Variants in DCHS2 observed in about 807,000 individuals in gnomAD.
The protein encoded by DCHS2 is protocadherin-23.
A neutral mutation model predicts 182.4 loss-of-function variants in DCHS2; 142 were observed. That is an observed-to-expected ratio of 0.78 (90% CI 0.68 to 0.89). The LOEUF is 0.89. DCHS2 is among the 40% of genes least tolerant of loss of function. DCHS2 has a pLI of 0.00. For missense variants in DCHS2, 4,319 were observed against 4,198.6 expected, an observed-to-expected ratio of 1.03 and a Z score of -0.79; for synonymous variants, 1,740 against 1,663.3, an observed-to-expected ratio of 1.05 and a Z score of -1.12.
intron 2 of DCHS2, among the ~76,000 whole-genome samples, chr4:154,373,183 G>T (rs1218302561): frequency 2.0e-5 from 3 of 152,220 alleles, no homozygotes; most frequent in Non-Finnish European, 4.4e-5. Flanking sequence ...TTTGAATGCA[G>T]TCTACGTTGC....
At chr4:154,433,556 G>A (rs572601974) in intron 1 of DCHS2, among the ~76,000 whole-genome samples, 3 of 151,934 alleles carry the variant, frequency 2.0e-5, no homozygotes, top group Admixed American at 1.3e-4. Context: ...CACCATGCCC[G>A]GCTAATTTAT....
At chr4:154,289,180 C>A (rs774774948) in intron 13 of DCHS2, among the ~76,000 whole-genome samples, 1 of 151,806 alleles carries the variant, frequency 6.6e-6, no homozygotes, top group African/African-American at 2.4e-5. Flanking sequence ...TAAACAAAAT[C>A]AACAAACCTT....
intron 9 of DCHS2, among the ~76,000 whole-genome samples, chr4:154,319,912 T>C (rs1156510710): frequency 6.6e-6 from 1 of 152,106 alleles, no homozygotes; most frequent in Admixed American, 6.5e-5. Flanking sequence ...CCATCCACAA[T>C]AGCTAAGATG....
intron 1 of DCHS2, among the ~76,000 whole-genome samples, chr4:154,441,397 T>A (rs12646456): frequency 0.46 from 69,902 of 152,064 alleles, 16,573 homozygotes; most frequent in Middle Eastern, 0.68. Flanking sequence ...AATGTTCTTT[T>A]TCCCCAACCT....
chr4:154,376,008 T>C (rs1730874492), intron 2 of DCHS2, among the ~76,000 whole-genome samples: 1 of 151,984 alleles, frequency 6.6e-6, no homozygotes. Context: ...TCACTGAAAG[T>C]TAAAAAAATT....
At chr4:154,373,680 C>T (rs758876959) in intron 2 of DCHS2, among the ~76,000 whole-genome samples, 1 of 152,144 alleles carries the variant, frequency 6.6e-6, no homozygotes, top group Non-Finnish European at 1.5e-5. Flanking sequence ...AGGAGGGGTC[C>T]TGCTTCCAGG....
At chr4:154,253,309 G>GGAGA (rs1370405441) in intron 16 of DCHS2, among the ~76,000 whole-genome samples, 1 of 152,014 alleles carries the variant, frequency 6.6e-6, no homozygotes, top group African/African-American at 2.4e-5. Flanking sequence ...CATGGCAATG[G>GGAGA]GAGAGAGTCA....
Position 154,252,826 on chromosome 4 carries a change from T to A in DCHS2, c.6941+2693A>T, listed in dbSNP as rs534872653. On this transcript the variant is annotated intron_variant, in intron 16 of 19. Transcript: ENST00000357232. ...GATTTCTTTTTAGTGGGTATACATC[T>A]AGGAGCAGGAATGCTAGATTGTATG... Among the ~76,000 whole-genome samples the A allele has an allele frequency of 3.3e-5, 5 of 152,294 alleles. No individual in the cohort carries two copies. In the East Asian group the frequency reaches 9.7e-4, roughly 29 times the overall value.
intron 8 of DCHS2, among the ~76,000 whole-genome samples, chr4:154,322,085 T>C (rs1736082148): frequency 6.6e-6 from 1 of 152,318 alleles, no homozygotes; most frequent in African/African-American, 2.4e-5. Context: ...AATGCCAATA[T>C]AGTGATGATT....
chr4:154,417,220 A>T (rs879488563), intron 1 of DCHS2, among the ~76,000 whole-genome samples: 17,972 of 141,788 alleles, frequency 0.13, 1,695 homozygotes, highest in Non-Finnish European at 0.18. Flanking sequence ...AGAGAGAGAG[A>T]GAGAGAGAGA....
intron 1 of DCHS2, among the ~76,000 whole-genome samples, chr4:154,382,379 A>G (rs1731208380): frequency 6.6e-6 from 1 of 152,116 alleles, no homozygotes; most frequent in Non-Finnish European, 1.5e-5. Flanking sequence ...AAGACCTCAA[A>G]CTATAAGAAT....
At chr4:154,306,812 C>G (rs535810611) in intron 10 of DCHS2, among the ~76,000 whole-genome samples, 11 of 152,066 alleles carry the variant, frequency 7.2e-5, no homozygotes, top group Non-Finnish European at 1.6e-4. Flanking sequence ...ATTCTCACCA[C>G]TTGCCAAACC....
At position 154,235,319 on chromosome 4, in the gene DCHS2, A is replaced by G. The variant is rs374185470; in HGVS notation, c.9333T>C (p.Asn3111=). The G allele has an allele frequency of 4.3e-6, 7 of 1,613,914 alleles. No individual in the cohort carries two copies. The African/African-American group carries it at 8.0e-5, about 18-fold the overall frequency. ...CTGAGCACTTTCTGTAGGGATGCTC[A>G]TTTATCCTCTGGATTTCCTTATCTT... The part of the protein sequence containing the change: ...TAEDKEIQRI[N]EHPYRKCSDS... Residue 3111 remains asparagine (N), a synonymous_variant, in exon 20 of 20, where the codon AAT becomes AAC. Transcript: ENST00000357232.
chr4:154,301,242 A>C (rs1333263884), intron 12 of DCHS2, among the ~76,000 whole-genome samples: 2 of 152,222 alleles, frequency 1.3e-5, no homozygotes, highest in African/African-American at 4.8e-5. Context: ...ATGCAGTGGG[A>C]GAGTGTCTCT....
chr4:154,364,516 A>G (rs1730261537), intron 3 of DCHS2, among the ~76,000 whole-genome samples: 1 of 152,222 alleles, frequency 6.6e-6, no homozygotes, highest in African/African-American at 2.4e-5. Flanking sequence ...TTCCCGCAAA[A>G]GTATTTTCTT....
chr4:154,489,525 C>T lies in DCHS2; in HGVS notation c.1831G>A (p.Glu611Lys), dbSNP rs867106022. Residue 611 changes from glutamate to lysine, a missense_variant, in exon 1 of 20, where the codon GAA (glutamate) becomes AAA (lysine). Transcript: ENST00000357232. ...ECGPSFAIDS[E>K]SGAISTIRTL... ...CGGATAGTGCTGATCGCACCGCTTT[C>T]GGAATCAATGGCAAAAGATGGTCCA... The T allele has an allele frequency of 4.5e-6, 7 of 1,551,668 alleles. No homozygotes were observed. The highest frequency in any genetic ancestry group is 6.1e-6 in the Non-Finnish European group (7 of 1,146,970).
chr4:154,247,275 C>T (rs140798028), intron 16 of DCHS2, among the ~76,000 whole-genome samples: 2,940 of 152,036 alleles, frequency 0.019, 108 homozygotes, highest in African/African-American at 0.066. Flanking sequence ...GTCAGGAGTT[C>T]GAGACCAGCC....
At chr4:154,466,424 G>A (rs927237919) in intron 1 of DCHS2, among the ~76,000 whole-genome samples, 18 of 152,176 alleles carry the variant, frequency 1.2e-4, no homozygotes, top group Non-Finnish European at 2.5e-4. Context: ...GATAGAGTAG[G>A]AACACTGAGC....
rs1021942763 is a variant in DCHS2, at chr4:154,234,715, T to C, written c.9937A>G (p.Ile3313Val). ...GGCAGAGAACCAAGATGGTAGGGGA[T>C]GGGAGAGCGTGGGTGTTTCGGAGGC... ...QVPPKHPRSP[I>V]PYHLGSLPEG... The change falls in exon 20 of 20, where the codon ATC (isoleucine) becomes GTC (valine). Residue 3313 changes from isoleucine (I) to valine (V), a missense_variant. Transcript: ENST00000357232. 5 of 1,613,578 alleles carry C rather than the reference T, an allele frequency of 3.1e-6. No individual in the cohort carries two copies.
Sources: allele counts gnomAD v4.1 joint callset (sites outside exome capture counted in the v4.1 genomes callset), GRCh38; gene constraint gnomAD v4.1.1; transcripts MANE v1.5; gene names NCBI Gene and HGNC (gene_info 2026-07-23, HGNC 2026-07-21).